Variants in WTAP observed in about 807,000 individuals in gnomAD.
The protein encoded by WTAP is WT1 associated protein.
A neutral mutation model predicts 50.0 loss-of-function variants in WTAP; 8 were observed. The ratio of observed to expected loss-of-function variants is 0.16; its 90% CI spans 0.09 to 0.29. The LOEUF is 0.29. Ranked by LOEUF, WTAP falls within the 10% of genes least tolerant of loss-of-function variation. The pLI is 1.00. For synonymous variants in WTAP, 194 were observed against 169.0 expected (o/e 1.15, Z -1.15); for missense variants, 295 against 470.7 (o/e 0.63, Z 3.45).
chr6:159,743,167 C>T (rs920088297), intron 4 of WTAP, among the ~76,000 whole-genome samples: 3 of 152,232 alleles, frequency 2.0e-5, no homozygotes, highest in Non-Finnish European at 4.4e-5. Flanking sequence ...CCTGCCTCAG[C>T]CTCCCAAGTA....
chr6:159,730,389 C>T (rs1175897132), intron 1 of WTAP, among the ~76,000 whole-genome samples: 2 of 151,894 alleles, frequency 1.3e-5, no homozygotes, highest in East Asian at 1.9e-4. Context: ...TATTCATTGC[C>T]TTTATGAATC....
intron 6 of WTAP, among the ~76,000 whole-genome samples, chr6:159,752,669 AC>A (rs981253267): frequency 1.3e-5 from 2 of 152,002 alleles, no homozygotes; most frequent in Admixed American, 6.6e-5. Context: ...TAAAAAAAAA[AC>A]CTTAACTGCT....
intron 4 of WTAP, 28 bp downstream of exon 4, chr6:159,742,174 A>C: frequency 6.5e-7 from 1 of 1,548,918 alleles, no homozygotes; most frequent in Admixed American, 1.9e-5. Context: ...CTTCCTAAAG[A>C]CTGAATAATC....
intron 1 of WTAP, among the ~76,000 whole-genome samples, chr6:159,733,916 C>A (rs1010331647): frequency 2.0e-5 from 3 of 151,696 alleles, no homozygotes; most frequent in African/African-American, 7.3e-5. Context: ...AACTCCATCT[C>A]CAAAAAAAAA....
At chr6:159,742,607 T>G (rs1461435372) in intron 4 of WTAP, among the ~76,000 whole-genome samples, 1 of 152,202 alleles carries the variant, frequency 6.6e-6, no homozygotes, top group African/African-American at 2.4e-5. Context: ...ACGTTTATCA[T>G]TTTAAGCCAT....
intron 6 of WTAP, 116 bp from the exon 7 acceptor site, chr6:159,753,344 A>T: frequency 7.4e-7 from 1 of 1,352,602 alleles, no homozygotes; most frequent in South Asian, 1.3e-5. Context: ...ATTATGGGGA[A>T]GCATCTGCTG....
chr6:159,752,640 C>T (rs566336814), intron 6 of WTAP, among the ~76,000 whole-genome samples: 1 of 151,838 alleles, frequency 6.6e-6, no homozygotes, highest in South Asian at 2.1e-4. Flanking sequence ...TGATCTTTTC[C>T]AATAAAGTCT....
At chr6:159,739,346 A>G (rs1779104467) in intron 3 of WTAP, among the ~76,000 whole-genome samples, 1 of 152,354 alleles carries the variant, frequency 6.6e-6, no homozygotes, top group Non-Finnish European at 1.5e-5. Flanking sequence ...ACTTATATTT[A>G]TGGAAGAAAT....
intron 1 of WTAP, among the ~76,000 whole-genome samples, chr6:159,734,287 T>G (rs2114886994): frequency 6.6e-6 from 1 of 151,026 alleles, no homozygotes; most frequent in South Asian, 2.1e-4. Context: ...GTGCTGGGAT[T>G]ACAAGTGTGA....
rs1394458125 is a variant in WTAP at position 159,755,623 on chromosome 6, C to T, written c.*12C>T. 1 of 1,575,866 alleles carries T rather than the reference C, an allele frequency of 6.3e-7. No homozygotes were observed. The highest frequency in any genetic ancestry group is 2.2e-5 in the East Asian group (1 of 44,522). On this transcript the variant is annotated 3_prime_UTR_variant, in exon 8 of 8. Coordinates refer to ENST00000621533, the MANE Select transcript of WTAP (RefSeq NM_001270531.2). Reference sequence around the variant, plus strand: ...GTTCAGTTTTGTAATATTTTTTCAGCAAATTTTTATACAGTGTCATTTAAT... The same window carrying T: ...GTTCAGTTTTGTAATATTTTTTCAGTAAATTTTTATACAGTGTCATTTAAT...
At chr6:159,747,406 A>C (rs1250122499) in intron 5 of WTAP, among the ~76,000 whole-genome samples, 3 of 152,192 alleles carry the variant, frequency 2.0e-5, no homozygotes, top group Non-Finnish European at 4.4e-5. Flanking sequence ...TTTAATCTCA[A>C]AATAAGCAGT....
chr6:159,738,843 A>T, intron 2 of WTAP, 147 bp from the exon 3 acceptor site: 1 of 508,348 alleles, frequency 2.0e-6, no homozygotes, highest in Non-Finnish European at 3.4e-6. Flanking sequence ...AAAAAAAAAA[A>T]CTTTTGTAAT....
In WTAP at chr6:159,748,970, A is replaced by G; in HGVS notation, c.452+601A>G. On this transcript the variant is annotated intron_variant, in intron 6 of 7. Coordinates refer to ENST00000621533, the MANE Select transcript of WTAP (RefSeq NM_001270531.2). This position sits in a 1 kb window ranked among gnomAD's most constrained non-coding sequence, Gnocchi z 5.6. ...CCTTTAAAGGGTTTATTTGCTGAGA[A>G]CCAACTTTCAATAGTCATGAGAGAA... 2 of 1,060,264 alleles carry G rather than the reference A, an allele frequency of 1.9e-6. No homozygotes were observed. The highest frequency in any genetic ancestry group is 2.3e-6 in the Non-Finnish European group (2 of 879,020). 65.7% of individuals were successfully genotyped at this position (1,060,264 alleles called of 1,614,324 possible).
intron 1 of WTAP, among the ~76,000 whole-genome samples, 200 bp downstream of exon 1, chr6:159,727,903 T>A (rs1535475): frequency 6.6e-6 from 1 of 152,134 alleles, no homozygotes; most frequent in Non-Finnish European, 1.5e-5. Flanking sequence ...ATTTTATCTC[T>A]GTCCTCCGTC....
At chr6:159,734,395 C>G (rs942180238) in intron 1 of WTAP, among the ~76,000 whole-genome samples, 2 of 147,702 alleles carry the variant, frequency 1.4e-5, no homozygotes, top group Admixed American at 6.8e-5. Flanking sequence ...AAAAAAAATT[C>G]AGTTTAACAT....
rs1237048364 is a variant in WTAP, at chr6:159,754,436, A to G, written c.608-592A>G. Among the ~76,000 whole-genome samples, 3 of 152,224 alleles carry G rather than the reference A, an allele frequency of 2.0e-5. No homozygotes were observed. In the East Asian group the frequency reaches 5.8e-4, roughly 29 times the overall value. On this transcript the variant is annotated intron_variant, in intron 7 of 7. Coordinates refer to ENST00000621533, the MANE Select transcript of WTAP (RefSeq NM_001270531.2). ...TAAGGGGATTGGCCATAGTGGGCCCATAGGTAAACGTGAGTCAAACTTTGG... is the reference window on the plus strand; with the variant it reads ...TAAGGGGATTGGCCATAGTGGGCCCGTAGGTAAACGTGAGTCAAACTTTGG...
chr6:159,749,107 T>C, intron 6 of WTAP: 1 of 986,528 alleles, frequency 1.0e-6, no homozygotes, highest in Non-Finnish European at 1.2e-6. Flanking sequence ...GGTTTGTTCT[T>C]TGAATGGTTG....
In WTAP at chr6:159,727,671, C is replaced by G; in HGVS notation, c.-41C>G. The G allele has an allele frequency of 5.1e-6, 5 of 984,870 alleles. No individual in the cohort carries two copies. The highest frequency in any genetic ancestry group is 6.0e-6 in the Non-Finnish European group (5 of 830,002). The allele number at this position is 984,870 out of a possible 1,614,324, so 61.0% of individuals were successfully genotyped here. On this transcript the variant is annotated 5_prime_UTR_variant, in exon 1 of 8. Transcript: ENST00000621533. Reference sequence around the variant, plus strand: ...AGCAGCGCGGCCTCGGCCTATGCGACCGGTGGCGCCGGCGCGGCTTCTGCC... The same window carrying G: ...AGCAGCGCGGCCTCGGCCTATGCGAGCGGTGGCGCCGGCGCGGCTTCTGCC...
intron 6 of WTAP, among the ~76,000 whole-genome samples, chr6:159,750,527 G>T (rs1467150518): frequency 6.6e-6 from 1 of 152,074 alleles, no homozygotes; most frequent in Non-Finnish European, 1.5e-5. Context: ...TTTTTCTTGG[G>T]TATCATCAAG....
Sources: gnomAD v4.1 joint callset for allele counts (sites outside exome capture counted in the v4.1 genomes callset) on GRCh38, gnomAD v4.1.1 for gene constraint, Gnocchi (gnomAD v3.1) non-coding constraint, MANE v1.5 for transcripts, NCBI Gene and HGNC (gene_info 2026-07-23, HGNC 2026-07-21) for gene names.